Variants in FLII observed in about 807,000 individuals in gnomAD.
The protein encoded by FLII is FLII actin remodeling protein.
Under a neutral mutation model 156.2 loss-of-function variants are expected in FLII, and 101 were observed. That is an observed-to-expected ratio of 0.65 (90% confidence interval 0.55 to 0.76). The LOEUF (loss-of-function observed/expected upper bound fraction) is 0.76. Ranked by LOEUF, FLII falls within the 30% of genes least tolerant of loss-of-function variation. FLII has a pLI of 0.00. For synonymous variants in FLII, 767 were observed against 685.8 expected (o/e 1.12, Z -1.85); for missense variants, 1,675 against 1,682.8 (o/e 1.00, Z 0.08).
At chr17:18,251,593 C>T (rs1227980539) in intron 12 of FLII, 87 bp downstream of exon 12, 16 of 1,590,356 alleles carry the variant, frequency 1.0e-5, no homozygotes, top group African/African-American at 5.4e-5. Context: ...CAGCACCCCC[C>T]GTCCCTCTTG....
Position 18,246,751 on chromosome 17 carries a change from T to G in FLII, c.2894A>C (p.Glu965Ala). Residue 965 changes from glutamate to alanine, a missense_variant, in exon 23 of 30, where the codon GAG becomes GCG. Physicochemically the swap from Glu to Ala is moderately radical, Grantham distance 107. This residue lies in a region of FLII where 1,332 missense variants were observed against 1,269.3 expected (regional missense o/e 1.05). Coordinates refer to ENST00000327031, the MANE Select transcript of FLII (RefSeq NM_002018.4). ...CTCCTCTGCCTCAGCGGTTGCTTCCTCGCCTTCTTTGCCCTCGGCCTTCTC... is the reference window on the plus strand; with the variant it reads ...CTCCTCTGCCTCAGCGGTTGCTTCCGCGCCTTCTTTGCCCTCGGCCTTCTC... ...KEEKAEGKEG[E>A]EATAEAEEKQ... 1 of 1,613,872 alleles carries G rather than the reference T, an allele frequency of 6.2e-7. No homozygotes were observed. The highest frequency in any genetic ancestry group is 8.5e-7 in the Non-Finnish European group (1 of 1,179,848).
Position 18,246,034 on chromosome 17 carries a change from C to T in FLII, c.3296G>A (p.Gly1099Asp), listed in dbSNP as rs367896113. The T allele has an allele frequency of 2.9e-5, 47 of 1,614,014 alleles. No homozygotes were observed. The highest frequency in any genetic ancestry group is 3.9e-5 in the Non-Finnish European group (46 of 1,180,040). Reference protein sequence around the residue: ...KVPFESEDNQGIVYAWVGRAS... With the variant: ...KVPFESEDNQDIVYAWVGRAS... ...CCGGCCCACCCAGGCATACACGATG[C>T]CCTGGTTGTCCTCACTCTCAAAGGG... Residue 1099 changes from glycine to aspartate, a missense_variant, in exon 26 of 30, where the codon GGC becomes GAC. Gly to Asp is a moderately conservative substitution (Grantham distance 94, BLOSUM62 -1). Transcript: ENST00000327031.
chr17:18,245,754 G>A lies in FLII; in HGVS notation c.3493C>T (p.Arg1165Cys), dbSNP rs770405093. 1.4e-5 allele frequency: 23 copies of A among 1,613,734 alleles called. No individual in the cohort carries two copies. The highest frequency in any genetic ancestry group is 2.2e-5 in the South Asian group (2 of 91,068). Residue 1165 changes from arginine to cysteine, a missense_variant, in exon 27 of 30, where the codon CGT (arginine) becomes TGT (cysteine). Around this residue, in one of 2 missense-constraint regions of FLII, gnomAD observed 1,332 missense variants for 1,269.3 expected, o/e 1.05. Transcript: ENST00000327031. ...GGGCCCTGGCCTCACCGGAAGAGAC[G>A]TGTGTGTTTCATGTACTCGGCATCG... is the stretch of plus-strand genomic sequence containing the variant. ...DDDAEYMKHTRLFRCSNEKGY... is the reference protein window; with the variant it reads ...DDDAEYMKHTCLFRCSNEKGY...
At chr17:18,245,485 G>T in intron 28 of FLII, 66 bp from the exon 29 acceptor site, 2 of 1,611,612 alleles carry the variant, frequency 1.2e-6, no homozygotes, top group Admixed American at 1.7e-5. Context: ...CTCCTGGCCC[G>T]AGAATTCCCA....
Position 18,254,654 on chromosome 17 carries a change from T to C in FLII, c.442A>G (p.Ile148Val). The change falls in exon 6 of 30, where the codon ATC becomes GTC. Residue 148 changes from isoleucine to valine, a missense_variant. Transcript: ENST00000327031. ...AGGTATAGTAGGTCAGTGAGGTTGA[T>C]GAAGAGCTGGTTGGGGATGGTGTCG... Reference protein sequence around the residue: ...SIDTIPNQLFINLTDLLYLDL... With the variant: ...SIDTIPNQLFVNLTDLLYLDL... The C allele has an allele frequency of 1.2e-6, 2 of 1,613,926 alleles. No individual in the cohort carries two copies. The highest frequency in any genetic ancestry group is 1.1e-5 in the South Asian group (1 of 91,076).
chr17:18,248,566 T>A lies in FLII; in HGVS notation c.2174A>T (p.Gln725Leu). ...KHVPEDFWPP[Q>L]PKLYKVGLGL... ...AGGGCTCACCTTGTACAGCTTGGGCTGCGGCGGCCAGAAGTCTTCAGGCAC... is the reference window on the plus strand; with the variant it reads ...AGGGCTCACCTTGTACAGCTTGGGCAGCGGCGGCCAGAAGTCTTCAGGCAC... The change falls in exon 18 of 30, where the codon CAG becomes CTG. Residue 725 changes from glutamine to leucine, a missense_variant. Gln to Leu is a moderately radical substitution (Grantham distance 113, BLOSUM62 -2). Transcript: ENST00000327031. The A allele has an allele frequency of 6.2e-7, 1 of 1,610,710 alleles. No homozygotes were observed. The highest frequency in any genetic ancestry group is 8.5e-7 in the Non-Finnish European group (1 of 1,178,794).
chr17:18,248,521 C>T (rs766646451), intron 18 of FLII, 29 bp downstream of exon 18: 2 of 1,572,642 alleles, frequency 1.3e-6, no homozygotes, highest in Non-Finnish European at 8.6e-7. Context: ...ACTTGGGAGG[C>T]CAAGGTGGGC....
chr17:18,257,066 C>T, intron 1 of FLII, 47 bp from the exon 2 acceptor site: 2 of 1,280,554 alleles, frequency 1.6e-6, no homozygotes, highest in Non-Finnish European at 2.2e-6. Flanking sequence ...TGCTCACCAC[C>T]TTCTATGGCT....
At position 18,244,826 on chromosome 17, in the gene FLII, A is replaced by AAAAT. The variant is rs1447660388; in HGVS notation, c.*308_*311dup. 5.2e-6 allele frequency: 2 copies of AAAAT among 385,628 alleles called. No homozygotes were observed. Among genetic ancestry groups the AAAAT allele is most frequent in the Non-Finnish European group, 4.6e-6 (1 of 218,568 alleles). 23.9% of individuals were successfully genotyped at this position (385,628 alleles called of 1,614,324 possible). On this transcript the variant is annotated 3_prime_UTR_variant, in exon 30 of 30. Coordinates refer to ENST00000327031, the MANE Select transcript of FLII (RefSeq NM_002018.4). The stretch of plus-strand genomic sequence containing the variant: ...TAAAATTAGCGCCATTTTAATATTA[A>AAAAT]AAATACTGATTTTTAATATTGAAAA...
intron 24 of FLII, 28 bp from the exon 25 acceptor site, chr17:18,246,250 G>C (rs2048047744): frequency 6.2e-7 from 1 of 1,614,034 alleles, no homozygotes; most frequent in Non-Finnish European, 8.5e-7. Flanking sequence ...CATCAGCAAG[G>C]ATTCAGGCCT....
intron 12 of FLII, 88 bp downstream of exon 12, chr17:18,251,592 C>T: frequency 1.3e-6 from 2 of 1,591,622 alleles, no homozygotes; most frequent in Non-Finnish European, 8.6e-7. Flanking sequence ...CCAGCACCCC[C>T]CGTCCCTCTT....
chr17:18,247,410 G>A (rs184256239), intron 20 of FLII, 53 bp from the exon 21 acceptor site: 1 of 1,515,820 alleles, frequency 6.6e-7, no homozygotes, highest in African/African-American at 1.4e-5. Context: ...ATTAGAGTTG[G>A]AGGAAGTAGC....
chr17:18,247,093 C>A lies in FLII; in HGVS notation c.2677-41G>T, dbSNP rs564733141. 1.0e-5 allele frequency: 16 copies of A among 1,597,168 alleles called. No homozygotes were observed. In the East Asian group the frequency reaches 2.0e-4, roughly 20 times the overall value. ...ACCCGCCCCGCGGCAGGTCTGAGCG[C>A]GCTCTGCGCATAGGCCCCGCCCTCG... On this transcript the variant is annotated intron_variant, in intron 21 of 29. Coordinates refer to ENST00000327031, the MANE Select transcript of FLII (RefSeq NM_002018.4).
At position 18,253,677 on chromosome 17, in the gene FLII, C is replaced by A; in HGVS notation, c.722G>T (p.Cys241Phe). The change falls in exon 8 of 30, where the codon TGT (cysteine) becomes TTT (phenylalanine). Residue 241 changes from cysteine to phenylalanine, a missense_variant. By Grantham distance (205) the Cys-to-Phe change is radical (BLOSUM62 -2). Transcript: ENST00000327031. ...GCGCAGGCTGGGGAGGGTGTACAGA[C>A]ACTCGGGCACCCGTGTCAGGTCATT... ...SCNDLTRVPE[C>F]LYTLPSLRRL... The A allele has an allele frequency of 6.2e-7, 1 of 1,613,554 alleles. No individual in the cohort carries two copies. The highest frequency in any genetic ancestry group is 8.5e-7 in the Non-Finnish European group (1 of 1,179,962).
In FLII at chr17:18,245,194, G is replaced by A. The variant is rs149231616; in HGVS notation, c.3754C>T (p.His1252Tyr). Reference protein sequence around the residue: ...LRLVRKGNEQHAFTRCFHAWS... With the variant: ...LRLVRKGNEQYAFTRCFHAWS... ...GCGTGGAAGCAGCGGGTAAAGGCGT[G>A]CTGCTCATTGCCCTTGCGGACCAGG... Residue 1252 changes from histidine (H) to tyrosine (Y), a missense_variant, in exon 30 of 30, where the codon CAC becomes TAC. Transcript: ENST00000327031. 2.7e-4 allele frequency: 435 copies of A among 1,613,836 alleles called. 1 individual carries two copies. Among genetic ancestry groups the A allele is most frequent in the Non-Finnish European group, 3.4e-4 (405 of 1,179,982 alleles).
chr17:18,245,888 GC>G lies in FLII; in HGVS notation c.3397-39del, dbSNP rs1214773072. 6.8e-6 allele frequency: 11 copies of G among 1,613,888 alleles called. No individual in the cohort carries two copies. The Admixed American group carries it at 1.5e-4, about 22-fold the overall frequency. ...CCAGTCCAGCCCAGGGCCCCTGCCT[GC>G]CCTGGCTCCTCTGTGTGTGCCCGCC... On this transcript the variant is annotated intron_variant, in intron 26 of 29. Coordinates refer to ENST00000327031, the MANE Select transcript of FLII (RefSeq NM_002018.4).
chr17:18,247,699 G>T lies in FLII; in HGVS notation c.2445C>A (p.Arg815=), dbSNP rs1446897624. ...CGAGGCTGCGGCTGACCGTGGCATG[G>T]CGTGGCCGGTGCAGCATCCCGCACA... ...QELCGMLHRP[R]HATVSRSLEG... is the part of the protein sequence containing the mutation. Residue 815 remains arginine, a synonymous_variant, in exon 20 of 30, where the codon CGC becomes CGA. Transcript: ENST00000327031. 1 of 1,600,470 alleles carries T rather than the reference G, an allele frequency of 6.2e-7. No homozygotes were observed. The highest frequency in any genetic ancestry group is 8.5e-7 in the Non-Finnish European group (1 of 1,178,358).
intron 16 of FLII, 103 bp downstream of exon 16, chr17:18,249,024 G>T: frequency 7.3e-7 from 1 of 1,372,082 alleles, no homozygotes; most frequent in Non-Finnish European, 1.0e-6. Flanking sequence ...TCGTGGGCAG[G>T]AATTGCTAGA....
intron 13 of FLII, 65 bp downstream of exon 13, chr17:18,251,200 G>A: frequency 6.5e-7 from 1 of 1,550,274 alleles, no homozygotes. Flanking sequence ...CTGGAGTTGG[G>A]GACTGAGCCA....
Sources: gnomAD v4.1 joint callset for allele counts on GRCh38, gnomAD v4.1.1 for gene constraint, gnomAD v4.1.1 regional missense constraint, MANE v1.5 for transcripts, NCBI Gene and HGNC (gene_info 2026-07-23, HGNC 2026-07-21) for gene names.